Variants in DENND1A observed in about 807,000 individuals in gnomAD.
DENND1A encodes the protein DENN domain-containing protein 1A.
DENND1A carries 51 observed loss-of-function variants against 113.7 expected under a neutral mutation model. The observed-to-expected ratio is 0.45, with a 90% CI of 0.36 to 0.57. The LOEUF (loss-of-function observed/expected upper bound fraction) is 0.57, where lower values mean the gene tolerates loss of function less well. DENND1A is among the 20% of genes least tolerant of loss of function. The pLI, the probability that DENND1A is intolerant of heterozygous loss-of-function variation, is 0.00. For missense variants in DENND1A, 1,258 were observed against 1,395.9 expected (o/e 0.90, Z 1.57); for synonymous variants, 565 against 570.8 (o/e 0.99, Z 0.14).
At chr9:123,737,461 T>A (rs2068653040) in intron 5 of DENND1A, among the ~76,000 whole-genome samples, 1 of 152,188 alleles carries the variant, frequency 6.6e-6, no homozygotes, top group Non-Finnish European at 1.5e-5. Flanking sequence ...GCACTAGGAT[T>A]ACAGATGTGA....
intron 13 of DENND1A, among the ~76,000 whole-genome samples, chr9:123,489,235 C>T (rs770829713): frequency 2.0e-5 from 3 of 152,186 alleles, no homozygotes; most frequent in Non-Finnish European, 4.4e-5. Flanking sequence ...AGTTCTAGTC[C>T]TATTCCCAAA....
At chr9:123,878,498 C>A (rs1451134462) in intron 2 of DENND1A, among the ~76,000 whole-genome samples, 1 of 152,114 alleles carries the variant, frequency 6.6e-6, no homozygotes, top group Non-Finnish European at 1.5e-5. Context: ...CTTCTTTTGC[C>A]AGCAGACATA....
At chr9:123,724,185 T>A (rs2067532282) in intron 5 of DENND1A, among the ~76,000 whole-genome samples, 5 of 152,162 alleles carry the variant, frequency 3.3e-5, no homozygotes, top group Admixed American at 3.3e-4. Context: ...AACCTGCATT[T>A]CTCATCCTAA....
chr9:123,561,294 G>A (rs2057740565), intron 12 of DENND1A, among the ~76,000 whole-genome samples: 1 of 136,948 alleles, frequency 7.3e-6, no homozygotes, highest in Non-Finnish European at 1.7e-5. Flanking sequence ...AGGAGTCGTT[G>A]ATTGTAACTG....
intron 2 of DENND1A, among the ~76,000 whole-genome samples, chr9:123,811,718 C>A (rs1256984668): frequency 1.3e-5 from 2 of 152,170 alleles, no homozygotes. Context: ...GAGATCGCAC[C>A]ACTGCATTCC....
intron 13 of DENND1A, among the ~76,000 whole-genome samples, chr9:123,538,383 C>T (rs910725380): frequency 2.0e-5 from 3 of 152,144 alleles, no homozygotes; most frequent in Admixed American, 2.0e-4. Flanking sequence ...ATGGCCAACT[C>T]AGTAGCAATG....
In DENND1A at chr9:123,529,362, G is replaced by A. The variant is rs118030587; in HGVS notation, c.993+28208C>T. 3.3e-4 allele frequency among the ~76,000 whole-genome samples: 51 copies of A among 152,278 alleles called. No individual in the cohort carries two copies. The East Asian group carries it at 9.1e-3, about 27-fold the overall frequency. ...AGTGATACTCAGCACTCAGCACTCT[G>A]TGGGCGCTTAACAAATGTTGAATAA... is the stretch of plus-strand genomic sequence containing the variant. On this transcript the variant is annotated intron_variant, in intron 13 of 23. Coordinates refer to ENST00000394215, the MANE Select transcript of DENND1A (RefSeq NM_001352964.2).
chr9:123,658,642 G>A (rs75845235), intron 8 of DENND1A, among the ~76,000 whole-genome samples: 3,243 of 152,236 alleles, frequency 0.021, 46 homozygotes, highest in Non-Finnish European at 0.033. Context: ...AGACAAATTG[G>A]CCCAAAAGCC....
intron 1 of DENND1A, among the ~76,000 whole-genome samples, chr9:123,924,479 T>C (rs901543557): frequency 7.2e-5 from 11 of 151,944 alleles, no homozygotes; most frequent in African/African-American, 2.4e-4. Context: ...CTGGCCAACA[T>C]GGTGAAACTA....
At position 123,381,685 on chromosome 9, in the gene DENND1A, AGGGGCAACGTTCGGATCCTCGAC is replaced by A; in HGVS notation, c.2937_2959del (p.Ser980GlyfsTer9). On this transcript the variant is annotated frameshift_variant, in exon 24 of 24. Coordinates refer to ENST00000394215, the MANE Select transcript of DENND1A (RefSeq NM_001352964.2). LOFTEE classifies it high-confidence loss of function. The surrounding 1 kb of genome is among the most constrained non-coding windows in gnomAD (Gnocchi z 4.7). ...AGCAGCCCTGGCACTTGAGCGGGCC[AGGGGCAACGTTCGGATCCTCGAC>A]GGGGCAACTGCTGGGGGACCCAGCG... 2 of 1,581,648 alleles carry A rather than the reference AGGGGCAACGTTCGGATCCTCGAC, an allele frequency of 1.3e-6. No homozygotes were observed. Among genetic ancestry groups the A allele is most frequent in the Non-Finnish European group, 1.7e-6 (2 of 1,163,778 alleles).
At chr9:123,682,376 AC>A (rs1320476030) in intron 5 of DENND1A, among the ~76,000 whole-genome samples, 2 of 152,204 alleles carry the variant, frequency 1.3e-5, no homozygotes, top group Admixed American at 6.5e-5. Context: ...GTAACATGAC[AC>A]AGGGTCTTTC....
At chr9:123,457,646 T>C in intron 14 of DENND1A, 147 bp downstream of exon 14, 1 of 801,188 alleles carries the variant, frequency 1.2e-6, no homozygotes, top group Admixed American at 2.6e-5. Context: ...CAGTGACTGC[T>C]CTCTTCATCC....
intron 2 of DENND1A, among the ~76,000 whole-genome samples, chr9:123,823,027 G>A (rs1206942416): frequency 5.9e-5 from 9 of 152,140 alleles, no homozygotes; most frequent in African/African-American, 1.9e-4. Flanking sequence ...GGCAAGTAAT[G>A]CTCATTTATT....
At chr9:123,561,865 C>T (rs2057778222) in intron 12 of DENND1A, among the ~76,000 whole-genome samples, 1 of 152,208 alleles carries the variant, frequency 6.6e-6, no homozygotes, top group South Asian at 2.1e-4. Context: ...CCTACTTCTC[C>T]CTCCTTCCCA....
intron 6 of DENND1A, among the ~76,000 whole-genome samples, chr9:123,672,193 A>G (rs2063798567): frequency 6.6e-6 from 1 of 152,208 alleles, no homozygotes; most frequent in Non-Finnish European, 1.5e-5. Context: ...CAAGCTCCAG[A>G]GCCCTCCTGG....
intron 5 of DENND1A, among the ~76,000 whole-genome samples, chr9:123,754,932 C>T (rs2070390629): frequency 6.6e-6 from 1 of 152,050 alleles, no homozygotes; most frequent in African/African-American, 2.4e-5. Context: ...AGTGATAGTG[C>T]CAGTTTAGAA....
chr9:123,421,700 GAGA>G (rs1397217304), intron 19 of DENND1A, among the ~76,000 whole-genome samples: 1 of 152,286 alleles, frequency 6.6e-6, no homozygotes, highest in East Asian at 1.9e-4. Context: ...ACTAGGAAAT[GAGA>G]AGAATTCTCC....
chr9:123,513,842 G>T (rs2053650557), intron 13 of DENND1A, among the ~76,000 whole-genome samples: 1 of 152,168 alleles, frequency 6.6e-6, no homozygotes, highest in Non-Finnish European at 1.5e-5. Flanking sequence ...GTCCTGCACT[G>T]CCCACTATGA....
At chr9:123,783,353 G>C (rs1831606605) in intron 3 of DENND1A, among the ~76,000 whole-genome samples, 1 of 152,152 alleles carries the variant, frequency 6.6e-6, no homozygotes. Context: ...TTTAGAAAGG[G>C]AGGCATTTCC....
Sources: gnomAD v4.1 joint callset for allele counts (sites outside exome capture counted in the v4.1 genomes callset) on GRCh38, gnomAD v4.1.1 for gene constraint, Gnocchi (gnomAD v3.1) non-coding constraint, MANE v1.5 for transcripts, NCBI Gene and HGNC (gene_info 2026-07-23, HGNC 2026-07-21) for gene names.